ALAS2: variants seen among roughly 807,000 people sequenced by gnomAD.
The protein encoded by ALAS2 is 5-aminolevulinate synthase, erythroid-specific, mitochondrial.
A neutral mutation model predicts 33.7 loss-of-function variants in ALAS2; 3 were observed. The ratio of observed to expected loss-of-function variants is 0.09; its 90% confidence interval spans 0.04 to 0.23. The LOEUF (loss-of-function observed/expected upper bound fraction) is 0.23. Ranked by LOEUF, ALAS2 falls within the 10% of genes least tolerant of loss-of-function variation. The pLI is 1.00. For synonymous variants in ALAS2, 191 were observed against 177.3 expected (o/e 1.08, Z -0.61); for missense variants, 304 against 475.1 (o/e 0.64, Z 3.35).
At chrX:55,026,255 A>G (rs1003519021) in intron 1 of ALAS2, among the ~76,000 whole-genome samples, 4 of 112,282 alleles carry the variant, frequency 3.6e-5, no homozygotes, top group Non-Finnish European at 7.5e-5. Context: ...ACTGGAGGTC[A>G]GAAAGCCTGG....
chrX:55,012,055 G>C, intron 10 of ALAS2, among the ~76,000 whole-genome samples: 1 of 112,002 alleles, frequency 8.9e-6, no homozygotes, highest in Non-Finnish European at 1.9e-5. Context: ...TTGGCACATG[G>C]TAAGTACTTA....
At position 55,015,662 on chromosome X, in the gene ALAS2, C is replaced by T. The variant is rs1935686442; in HGVS notation, c.1084G>A (p.Val362Ile). The T allele has an allele frequency of 5.8e-6, 7 of 1,209,029 alleles. No individual in the cohort carries two copies. Among genetic ancestry groups the T allele is most frequent in the African/African-American group, 1.8e-5 (1 of 56,856 alleles). Residue 362 changes from valine to isoleucine, a missense_variant, in exon 8 of 11, where the codon GTA becomes ATA. Val to Ile is a conservative substitution (Grantham distance 29). Transcript: ENST00000650242. The part of the protein sequence containing the change: ...ALTFVDEVHA[V>I]GLYGSRGAGI... Reference sequence around the variant, plus strand: ...GCGCCCCGGGACCCATACAGTCCTACAGCATGGACCTCATCCACGAAGGTC... The same window carrying T: ...GCGCCCCGGGACCCATACAGTCCTATAGCATGGACCTCATCCACGAAGGTC...
At chrX:55,015,536 C>A (rs1237562270) in intron 8 of ALAS2, 42 bp downstream of exon 8, 1 of 1,203,886 alleles carries the variant, frequency 8.3e-7, no homozygotes. Flanking sequence ...TAAGGGCCTC[C>A]TCTCTGGAGG....
chrX:55,022,227 AACT>A (rs1569547870), intron 4 of ALAS2, among the ~76,000 whole-genome samples: 1 of 112,525 alleles, frequency 8.9e-6, no homozygotes, highest in East Asian at 2.8e-4. Context: ...TGGAGGTGCA[AACT>A]GGTAACATCC....
In ALAS2 at chrX:55,009,306, G is replaced by C. The variant is rs763266087; in HGVS notation, c.1638C>G (p.Pro546=). ...LLLAWTAVGL[P]LQDVSVAACN... ...AGGCAGCCACAGACACATCCTGGAG[G>C]GGCAGCCCCACCGCAGTCCAAGCCA... is the stretch of plus-strand genomic sequence containing the variant. The change falls in exon 11 of 11, where the codon CCC becomes CCG. Residue 546 remains proline, a synonymous_variant. Coordinates refer to ENST00000650242, the MANE Select transcript of ALAS2 (RefSeq NM_000032.5). 17 of 1,202,588 alleles carry C rather than the reference G, an allele frequency of 1.4e-5. No homozygotes were observed. The highest frequency in any genetic ancestry group is 1.9e-5 in the Non-Finnish European group (17 of 891,888).
intron 10 of ALAS2, 139 bp downstream of exon 10, chrX:55,013,347 C>A (rs1935636145): frequency 8.9e-6 from 6 of 675,771 alleles, no homozygotes. Context: ...TTATTTGTGA[C>A]CCTAGTATAG....
intron 7 of ALAS2, among the ~76,000 whole-genome samples, chrX:55,016,251 A>G (rs1397319785): frequency 9.0e-6 from 1 of 110,711 alleles, no homozygotes; most frequent in Non-Finnish European, 1.9e-5. Context: ...GTACCAACAT[A>G]GTTTCCACTA....
intron 10 of ALAS2, among the ~76,000 whole-genome samples, chrX:55,011,539 G>A (rs1935602499): frequency 9.0e-6 from 1 of 111,466 alleles, no homozygotes; most frequent in Admixed American, 9.5e-5. Context: ...AGAGGAGCAA[G>A]AGAGAAGCAG....
At chrX:55,018,162 C>T (rs1057500785) in intron 6 of ALAS2, among the ~76,000 whole-genome samples, 3 of 111,697 alleles carry the variant, frequency 2.7e-5, no homozygotes, top group African/African-American at 9.8e-5. Flanking sequence ...AAGCTTATGG[C>T]ATGTCAGAGC....
intron 2 of ALAS2, 57 bp downstream of exon 2, chrX:55,025,763 G>C (rs1364576450): frequency 8.8e-7 from 1 of 1,139,094 alleles, no homozygotes; most frequent in African/African-American, 1.8e-5. Flanking sequence ...AGTATAACTT[G>C]GAACTTTTAC....
rs772441129 is a variant in ALAS2 at position 55,009,882 on chromosome X, TATGCTGATGGTTCAG to T, written c.1601-554_1601-540del. Among the ~76,000 whole-genome samples, 36 of 111,610 alleles carry T rather than the reference TATGCTGATGGTTCAG, an allele frequency of 3.2e-4. No homozygotes were observed. In the East Asian group the frequency reaches 9.0e-3, roughly 28 times the overall value. Reference sequence around the variant, plus strand: ...GTCACATGACTTTAAAGACCATCTATATGCTGATGGTTCAGAAATTTTAATCTCCAGCTCACGCCA... The same window carrying T: ...GTCACATGACTTTAAAGACCATCTATAAATTTTAATCTCCAGCTCACGCCA... On this transcript the variant is annotated intron_variant, in intron 10 of 10. Transcript: ENST00000650242.
intron 9 of ALAS2, 103 bp downstream of exon 9, chrX:55,014,644 G>T: frequency 1.0e-6 from 1 of 982,121 alleles, no homozygotes; most frequent in Non-Finnish European, 1.3e-6. Flanking sequence ...TGGTTAGCAG[G>T]AAAGCAAATA....
At chrX:55,015,935 TTCTC>T (rs1207809319) in intron 7 of ALAS2, among the ~76,000 whole-genome samples, 193 bp from the exon 8 acceptor site, 8 of 100,353 alleles carry the variant, frequency 8.0e-5, no homozygotes, top group African/African-American at 2.9e-4. Flanking sequence ...CATCCCTGCC[TTCTC>T]TCTCTCTCTC....
rs2146716611 is a variant in ALAS2 at position 55,014,977 on chromosome X, T to C, written c.1207A>G (p.Thr403Ala). The C allele has an allele frequency of 8.3e-7, 1 of 1,209,973 alleles. No individual in the cohort carries two copies. The highest frequency in any genetic ancestry group is 1.1e-6 in the Non-Finnish European group (1 of 894,560). ...CGCACCATGTCCACCAAGTCACGGGTGCTGGCAATGTAGCCGCCCACACAG... is the reference window on the plus strand; with the variant it reads ...CGCACCATGTCCACCAAGTCACGGGCGCTGGCAATGTAGCCGCCCACACAG... Reference protein sequence around the residue: ...FGCVGGYIASTRDLVDMVRSY... With the variant: ...FGCVGGYIASARDLVDMVRSY... Residue 403 changes from threonine to alanine, a missense_variant, in exon 9 of 11, where the codon ACC becomes GCC. By Grantham distance (58) the Thr-to-Ala change is moderately conservative. Transcript: ENST00000650242.
chrX:55,017,418 C>T lies in ALAS2; in HGVS notation c.1003+68G>A, dbSNP rs906019041. The T allele has an allele frequency of 7.3e-5, 72 of 981,017 alleles. No individual in the cohort carries two copies. The African/African-American group carries it at 1.3e-3, about 18-fold the overall frequency. The allele number at this position is 981,017 out of a possible 1,213,427, so 80.8% of individuals were successfully genotyped here. On this transcript the variant is annotated intron_variant, in intron 7 of 10. Coordinates refer to ENST00000650242, the MANE Select transcript of ALAS2 (RefSeq NM_000032.5). ...GCTGTTATAATGTTATCGTCATCAT[C>T]ATCATCATGATCATCATGGTTTTTG... is the stretch of plus-strand genomic sequence containing the variant.
At chrX:55,017,990 T>A (rs1341094791) in intron 6 of ALAS2, among the ~76,000 whole-genome samples, 1 of 111,649 alleles carries the variant, frequency 9.0e-6, no homozygotes, top group Non-Finnish European at 1.9e-5. Flanking sequence ...CTCCCCAATA[T>A]ATAAGATCAA....
chrX:55,019,682 C>A (rs1045586410), intron 6 of ALAS2, among the ~76,000 whole-genome samples: 7 of 111,417 alleles, frequency 6.3e-5, no homozygotes, highest in African/African-American at 2.3e-4. Context: ...TGTATTCATT[C>A]TGGATTGGGC....
At chrX:55,030,920 C>T (rs1935988477) in intron 1 of ALAS2, 22 bp downstream of exon 1, 1 of 341,064 alleles carries the variant, frequency 2.9e-6, no homozygotes, top group Admixed American at 3.1e-5. Context: ...AGATAGGGTG[C>T]CAGGCTGAAA....
At position 55,014,640 on chromosome X, in the gene ALAS2, G is replaced by T. The variant is rs760143749; in HGVS notation, c.1437+107C>A. 1.7e-4 allele frequency: 167 copies of T among 959,719 alleles called. No individual in the cohort carries two copies. The South Asian group carries it at 4.8e-3, about 27-fold the overall frequency. 79.1% of individuals were successfully genotyped at this position (959,719 alleles called of 1,213,427 possible). ...AAGCTGGCAATAAAGGGAATGGTTA[G>T]CAGGAAAGCAAATAATTGAAGACAG... On this transcript the variant is annotated intron_variant, in intron 9 of 10. Transcript: ENST00000650242.
Sources: allele counts gnomAD v4.1 joint callset (sites outside exome capture counted in the v4.1 genomes callset), GRCh38; gene constraint gnomAD v4.1.1; transcripts MANE v1.5; gene names NCBI Gene and HGNC (gene_info 2026-07-23, HGNC 2026-07-21).